STAU1: variants seen among roughly 807,000 people sequenced by gnomAD.
STAU1 encodes staufen double-stranded RNA binding protein 1.
In STAU1, 13 loss-of-function variants were observed where a neutral mutation model predicts 62.9. That is an observed-to-expected ratio of 0.21 (90% CI 0.13 to 0.33). STAU1 has a LOEUF of 0.33. STAU1 is among the 10% of genes least tolerant of loss of function. The probability of loss-of-function intolerance (pLI) is 1.00; values close to 1 mark genes in which losing one functional copy is unlikely to be tolerated. For missense variants in STAU1, 571 were observed against 712.1 expected, an observed-to-expected ratio of 0.80 and a Z score of 2.25; for synonymous variants, 269 against 265.1, an observed-to-expected ratio of 1.01 and a Z score of -0.14.
At chr20:49,156,943 C>A (rs562306329) in intron 3 of STAU1, among the ~76,000 whole-genome samples, 122 of 151,024 alleles carry the variant, frequency 8.1e-4, no homozygotes, top group Middle Eastern at 3.4e-3. Flanking sequence ...GTGGTGTGAT[C>A]TTGGCTCAAT....
intron 1 of STAU1, among the ~76,000 whole-genome samples, chr20:49,176,472 C>T (rs1232113728): frequency 6.6e-6 from 1 of 152,104 alleles, no homozygotes; most frequent in Non-Finnish European, 1.5e-5. Flanking sequence ...CCTTGAGATG[C>T]TTTTATACAT....
the STAU1 span, among the ~76,000 whole-genome samples, chr20:49,212,915 T>C: frequency 5.3e-5 from 8 of 152,162 alleles, no homozygotes; most frequent in African/African-American, 1.7e-4. Context: ...ATTTTTACTG[T>C]TGTAATATCG....
intron 2 of STAU1, among the ~76,000 whole-genome samples, chr20:49,170,557 TGG>T (rs2093584063): frequency 6.6e-6 from 1 of 152,168 alleles, no homozygotes; most frequent in Non-Finnish European, 1.5e-5. Flanking sequence ...TTCACCATGT[TGG>T]TCAGGCTGGT....
At chr20:49,137,987 A>G (rs1055762915) in intron 5 of STAU1, among the ~76,000 whole-genome samples, 1 of 152,058 alleles carries the variant, frequency 6.6e-6, no homozygotes, top group Non-Finnish European at 1.5e-5. Flanking sequence ...GCCACTGAAT[A>G]TTAAAAGCTG....
At chr20:49,193,900 C>T in the STAU1 span, among the ~76,000 whole-genome samples, 1 of 151,370 alleles carries the variant, frequency 6.6e-6, no homozygotes, top group South Asian at 2.1e-4. Context: ...ACCCGGGAGG[C>T]GGAGCTTGCA....
At chr20:49,139,945 G>A (rs933201002) in intron 5 of STAU1, among the ~76,000 whole-genome samples, 3 of 151,868 alleles carry the variant, frequency 2.0e-5, no homozygotes, top group Admixed American at 6.6e-5. Flanking sequence ...CAGCACTTTG[G>A]GAGGCCGAGG....
the STAU1 span, among the ~76,000 whole-genome samples, chr20:49,193,602 C>T: frequency 4.6e-5 from 7 of 152,080 alleles, no homozygotes; most frequent in Non-Finnish European, 8.8e-5. Flanking sequence ...ACGCGGGAGG[C>T]GGAGGTTGCA....
At chr20:49,168,754 A>T (rs2093559543) in intron 2 of STAU1, among the ~76,000 whole-genome samples, 1 of 152,134 alleles carries the variant, frequency 6.6e-6, no homozygotes. Flanking sequence ...GTCTGGAGAC[A>T]TTTTTTGGTT....
At chr20:49,136,289 C>A (rs973424385) in intron 5 of STAU1, among the ~76,000 whole-genome samples, 11 of 152,184 alleles carry the variant, frequency 7.2e-5, no homozygotes, top group Middle Eastern at 3.4e-3. Flanking sequence ...GGTGACACAG[C>A]GAGACGCTGT....
chr20:49,164,100 G>A (rs905179486), intron 3 of STAU1, among the ~76,000 whole-genome samples: 3 of 151,908 alleles, frequency 2.0e-5, no homozygotes, highest in Non-Finnish European at 4.4e-5. Context: ...CGTAGTGGCA[G>A]GCACCTGTAA....
At chr20:49,205,686 T>C in the STAU1 span, among the ~76,000 whole-genome samples, 2 of 150,932 alleles carry the variant, frequency 1.3e-5, no homozygotes, top group South Asian at 4.2e-4. Context: ...CTTTTTTTTT[T>C]TTTGAGACAG....
chr20:49,181,524 C>T (rs1358209368), intron 1 of STAU1, among the ~76,000 whole-genome samples: 1 of 151,920 alleles, frequency 6.6e-6, no homozygotes, highest in Non-Finnish European at 1.5e-5. Flanking sequence ...TATCACTTTG[C>T]GAGGCTAAGG....
At chr20:49,195,028 G>C in the STAU1 span, among the ~76,000 whole-genome samples, 16 of 152,080 alleles carry the variant, frequency 1.1e-4, no homozygotes, top group Non-Finnish European at 2.1e-4. Flanking sequence ...AAGTGGAGAA[G>C]ACTCTTTTAA....
chr20:49,143,146 G>C (rs1200777005), intron 5 of STAU1, among the ~76,000 whole-genome samples: 1 of 152,108 alleles, frequency 6.6e-6, no homozygotes, highest in Admixed American at 6.6e-5. Context: ...GTTCCAAGTA[G>C]GGAGGCAGCA....
chr20:49,175,790 CATA>C lies in STAU1; in HGVS notation c.-159-1524_-159-1522del, dbSNP rs1032426359. On this transcript the variant is annotated intron_variant, in intron 1 of 13. Transcript: ENST00000371856. Reference sequence around the variant, plus strand: ...AGGCATGAGCCACCACACCCAACCTCATAATGCCTTTTTTTTTTTTTTTTGAGA... The same window carrying C: ...AGGCATGAGCCACCACACCCAACCTCATGCCTTTTTTTTTTTTTTTTGAGA... Among the ~76,000 whole-genome samples the C allele has an allele frequency of 5.5e-5, 6 of 109,702 alleles. No individual in the cohort carries two copies. In the Admixed American group the frequency reaches 5.9e-4, roughly 11 times the overall value. 72.0% of individuals were successfully genotyped at this position (109,702 alleles called of 152,430 possible).
chr20:49,163,190 C>CA (rs200064503), intron 3 of STAU1, among the ~76,000 whole-genome samples: 298 of 134,426 alleles, frequency 2.2e-3, no homozygotes, highest in Middle Eastern at 7.5e-3. Context: ...GACTCCATTT[C>CA]AAAAAAAAAA....
chr20:49,206,844 C>T, the STAU1 span, among the ~76,000 whole-genome samples: 1 of 149,866 alleles, frequency 6.7e-6, no homozygotes, highest in East Asian at 2.0e-4. Context: ...AAATATTCAC[C>T]TCCCGGGTTC....
At chr20:49,145,495 G>A (rs2093110014) in intron 5 of STAU1, among the ~76,000 whole-genome samples, 1 of 145,128 alleles carries the variant, frequency 6.9e-6, no homozygotes, top group Non-Finnish European at 1.5e-5. Context: ...CACTTTGGGA[G>A]GCCGAGGCAG....
At chr20:49,132,958 C>T (rs889808818) in intron 6 of STAU1, among the ~76,000 whole-genome samples, 3 of 152,126 alleles carry the variant, frequency 2.0e-5, no homozygotes, top group Non-Finnish European at 4.4e-5. Flanking sequence ...AACCTTCCAG[C>T]GGCAAAAGAA....
Sources: gnomAD v4.1 joint callset for allele counts (sites outside exome capture counted in the v4.1 genomes callset) on GRCh38, gnomAD v4.1.1 for gene constraint, MANE v1.5 for transcripts, NCBI Gene and HGNC (gene_info 2026-07-23, HGNC 2026-07-21) for gene names.